Variants in HIVEP2 observed in about 807,000 individuals in gnomAD.
The protein encoded by HIVEP2 is HIVEP zinc finger 2, also known as transcription factor HIVEP2.
In HIVEP2, 14 loss-of-function variants were observed where a neutral mutation model predicts 180.7. The ratio of observed to expected loss-of-function variants is 0.08; its 90% confidence interval spans 0.05 to 0.12. The LOEUF is 0.12. HIVEP2 is among the 10% of genes least tolerant of loss of function. HIVEP2 has a pLI of 1.00. For missense variants in HIVEP2, 2,579 were observed against 3,008.5 expected, an observed-to-expected ratio of 0.86 and a Z score of 3.34; for synonymous variants, 1,184 against 1,136.4, an observed-to-expected ratio of 1.04 and a Z score of -0.84.
intron 1 of HIVEP2, among the ~76,000 whole-genome samples, chr6:142,927,454 A>G (rs1472715171): frequency 1.3e-5 from 2 of 152,208 alleles, no homozygotes; most frequent in African/African-American, 2.4e-5. Flanking sequence ...GACATAAAAC[A>G]GGAAAAGGAA....
intron 2 of HIVEP2, among the ~76,000 whole-genome samples, chr6:142,817,653 C>T (rs1259216825): frequency 1.3e-5 from 2 of 152,140 alleles, no homozygotes; most frequent in African/African-American, 4.8e-5. Flanking sequence ...AACGGAAGAA[C>T]ACCAAGTAGG....
At chr6:142,857,851 G>C (rs1038445754) in intron 1 of HIVEP2, among the ~76,000 whole-genome samples, 11 of 152,142 alleles carry the variant, frequency 7.2e-5, no homozygotes, top group African/African-American at 1.7e-4. Context: ...TCCTGCGGGC[G>C]GGGGGAAGCC....
In HIVEP2 at chr6:142,753,225, G is replaced by A. The variant is rs375974004; in HGVS notation, c.7223C>T (p.Thr2408Met). Residue 2408 changes from threonine (T) to methionine (M), a missense_variant, in exon 10 of 10, where the codon ACG becomes ATG. By Grantham distance (81) the Thr-to-Met change is moderately conservative (BLOSUM62 -1). This residue lies in a region of HIVEP2 where 660 missense variants were observed against 731.7 expected (regional missense o/e 0.90). Coordinates refer to ENST00000367603, the MANE Select transcript of HIVEP2 (RefSeq NM_006734.4). ...ATCCACACAACTCTTGCTGTAAAACGTGGAGTGAGCTAATGGAGTCTGTGA... is the reference window on the plus strand; with the variant it reads ...ATCCACACAACTCTTGCTGTAAAACATGGAGTGAGCTAATGGAGTCTGTGA... ...GTSQTPLAHS[T>M]FYSKSCVDDK... The A allele has an allele frequency of 5.9e-5, 95 of 1,613,872 alleles. No individual in the cohort carries two copies. Among genetic ancestry groups the A allele is most frequent in the Non-Finnish European group, 7.7e-5 (91 of 1,179,852 alleles).
chr6:142,762,471 C>CACACACACAT (rs1554275423), intron 7 of HIVEP2, among the ~76,000 whole-genome samples: 1 of 145,332 alleles, frequency 6.9e-6, no homozygotes, highest in Non-Finnish European at 1.5e-5. Context: ...CACACACACA[C>CACACACACAT]ACACACACAC....
chr6:142,880,740 G>A (rs1458553974), intron 1 of HIVEP2, among the ~76,000 whole-genome samples: 4 of 152,050 alleles, frequency 2.6e-5, no homozygotes, highest in African/African-American at 4.8e-5. Flanking sequence ...GGCAAAGTTC[G>A]GCCTACAACT....
chr6:142,901,816 G>A (rs569875499), intron 1 of HIVEP2, among the ~76,000 whole-genome samples: 5 of 152,146 alleles, frequency 3.3e-5, no homozygotes, highest in African/African-American at 7.2e-5. Flanking sequence ...AATGACCTTC[G>A]TCTTAACCAG....
intron 1 of HIVEP2, among the ~76,000 whole-genome samples, chr6:142,843,943 TA>T (rs1452301281): frequency 6.6e-6 from 1 of 152,198 alleles, no homozygotes; most frequent in East Asian, 1.9e-4. Flanking sequence ...TTCACTACAA[TA>T]GATTTAATAA....
At chr6:142,832,905 A>G (rs1169264771) in intron 2 of HIVEP2, among the ~76,000 whole-genome samples, 1 of 152,226 alleles carries the variant, frequency 6.6e-6, no homozygotes, top group Non-Finnish European at 1.5e-5. Context: ...ACAGCATTTT[A>G]TTCCTTGGAC....
chr6:142,846,774 C>T (rs149741371), intron 1 of HIVEP2, among the ~76,000 whole-genome samples: 68 of 152,142 alleles, frequency 4.5e-4, no homozygotes, highest in African/African-American at 1.6e-3. Flanking sequence ...TATTTCACAG[C>T]GTTTTGCAAA....
chr6:142,768,958 CCTT>C (rs1472930924), intron 5 of HIVEP2, among the ~76,000 whole-genome samples: 2 of 152,026 alleles, frequency 1.3e-5, no homozygotes, highest in East Asian at 3.8e-4. Flanking sequence ...CTATTTGCCT[CCTT>C]ATTAATTTAG....
chr6:142,827,706 G>C (rs1214108904), intron 2 of HIVEP2, among the ~76,000 whole-genome samples: 1 of 152,302 alleles, frequency 6.6e-6, no homozygotes, highest in African/African-American at 2.4e-5. Context: ...AGGTAGCAGG[G>C]AGGAGGAGGA....
intron 1 of HIVEP2, among the ~76,000 whole-genome samples, chr6:142,861,883 G>A (rs1340812873): frequency 6.6e-6 from 1 of 152,120 alleles, no homozygotes; most frequent in Non-Finnish European, 1.5e-5. Context: ...TTAGAATTTG[G>A]CCCACCTGCA....
At chr6:142,781,964 C>T (rs1475683178) in intron 3 of HIVEP2, among the ~76,000 whole-genome samples, 1 of 152,170 alleles carries the variant, frequency 6.6e-6, no homozygotes, top group East Asian at 1.9e-4. Context: ...AGAAAAAAAC[C>T]TTACCTCAGG....
chr6:142,834,959 C>T (rs1562257510), intron 2 of HIVEP2, among the ~76,000 whole-genome samples: 1 of 152,028 alleles, frequency 6.6e-6, no homozygotes, highest in Non-Finnish European at 1.5e-5. Context: ...ATATGAAGTC[C>T]TTCCTTACCA....
chr6:142,866,694 G>T (rs55994331), intron 1 of HIVEP2, among the ~76,000 whole-genome samples: 20,651 of 152,128 alleles, frequency 0.14, 1,793 homozygotes, highest in Middle Eastern at 0.2. Context: ...ACTGGGAAAA[G>T]GATAAATATA....
rs958210391 is a variant in HIVEP2, at chr6:142,926,723, C to A, written c.-641+18376G>T. Among the ~76,000 whole-genome samples, 6 of 152,264 alleles carry A rather than the reference C, an allele frequency of 3.9e-5. No individual in the cohort carries two copies. In the East Asian group the frequency reaches 1.2e-3, roughly 29 times the overall value. ...CCGGGCTTTTCCGCACCGTGGAGTC[C>A]CCCGACACGCTGGGGCCAGTGAACC... On this transcript the variant is annotated intron_variant, in intron 1 of 9. Coordinates refer to ENST00000367603, the MANE Select transcript of HIVEP2 (RefSeq NM_006734.4).
At chr6:142,800,881 A>G (rs1394503115) in intron 2 of HIVEP2, among the ~76,000 whole-genome samples, 1 of 152,152 alleles carries the variant, frequency 6.6e-6, no homozygotes, top group Non-Finnish European at 1.5e-5. Flanking sequence ...GCTTTAGAAG[A>G]TCATAATTTT....
chr6:142,866,531 T>C (rs191196028), intron 1 of HIVEP2, among the ~76,000 whole-genome samples: 152 of 152,264 alleles, frequency 1.0e-3, no homozygotes, highest in Middle Eastern at 3.4e-3. Flanking sequence ...TATTACCTCT[T>C]TCTCCCATGT....
At chr6:142,861,204 G>A (rs78486809) in intron 1 of HIVEP2, among the ~76,000 whole-genome samples, 2,474 of 152,234 alleles carry the variant, frequency 0.016, 64 homozygotes, top group African/African-American at 0.056. Context: ...GGTTCTGTAC[G>A]TTTCTAAATA....
Sources: gnomAD v4.1 joint callset for allele counts (sites outside exome capture counted in the v4.1 genomes callset) on GRCh38, gnomAD v4.1.1 for gene constraint, gnomAD v4.1.1 regional missense constraint, MANE v1.5 for transcripts, NCBI Gene and HGNC (gene_info 2026-07-23, HGNC 2026-07-21) for gene names.